Variants in PAPPA2 observed in about 807,000 individuals in gnomAD.
The protein encoded by PAPPA2 is pappalysin-2.
A neutral mutation model predicts 176.4 loss-of-function variants in PAPPA2; 86 were observed. That is an observed-to-expected ratio of 0.49 (90% CI 0.41 to 0.58). The LOEUF (loss-of-function observed/expected upper bound fraction) is 0.58. Among genes scored for constraint, PAPPA2 ranks in the 20% least tolerant of loss-of-function variants. The pLI is 0.00. For missense variants in PAPPA2, 2,073 were observed against 2,256.9 expected, an observed-to-expected ratio of 0.92 and a Z score of 1.65; for synonymous variants, 809 against 852.2, an observed-to-expected ratio of 0.95 and a Z score of 0.88.
chr1:176,651,263 T>C (rs1191713505), intron 3 of PAPPA2, among the ~76,000 whole-genome samples: 2 of 150,136 alleles, frequency 1.3e-5, no homozygotes, highest in African/African-American at 4.9e-5. Context: ...CATATTAGTG[T>C]TTTTTTTTCA....
intron 3 of PAPPA2, among the ~76,000 whole-genome samples, chr1:176,600,462 G>A (rs1029972148): frequency 3.6e-4 from 54 of 151,778 alleles, no homozygotes; most frequent in Non-Finnish European, 6.6e-4. Context: ...GGATCACGAG[G>A]TCAGGAGATC....
At chr1:176,646,301 A>G (rs1657395123) in intron 3 of PAPPA2, among the ~76,000 whole-genome samples, 1 of 151,222 alleles carries the variant, frequency 6.6e-6, no homozygotes, top group South Asian at 2.1e-4. Flanking sequence ...AGGTGTATAT[A>G]TTTATGAGGT....
chr1:176,692,062 C>T lies in PAPPA2; in HGVS notation c.2432-64C>T, dbSNP rs148508070. The T allele has an allele frequency of 3.7e-3, 5,401 of 1,469,686 alleles. 39 individuals are homozygous for T. Among genetic ancestry groups the T allele is most frequent in the Middle Eastern group, 0.019 (104 of 5,542 alleles). The allele number at this position is 1,469,686 out of a possible 1,614,324, so 91.0% of individuals were successfully genotyped here. ...CCATGAACAAGACACAAATTTATCC[C>T]TGCCTTGGTGGACTTGATGGGTTAA... On this transcript the variant is annotated intron_variant, in intron 5 of 22. Transcript: ENST00000367662.
intron 1 of PAPPA2, among the ~76,000 whole-genome samples, chr1:176,490,058 T>G (rs1652823556): frequency 6.6e-6 from 1 of 152,116 alleles, no homozygotes; most frequent in South Asian, 2.1e-4. Flanking sequence ...TTAGAACAGA[T>G]TAGAACAGGT....
In PAPPA2 at chr1:176,834,906, G is replaced by C. The variant is rs557256041; in HGVS notation, c.5203-5267G>C. 3.3e-3 allele frequency among the ~76,000 whole-genome samples: 500 copies of C among 152,276 alleles called. 3 individuals carry two copies. The highest frequency in any genetic ancestry group is 5.7e-3 in the Non-Finnish European group (385 of 68,024). On this transcript the variant is annotated intron_variant, in intron 21 of 22. Coordinates refer to ENST00000367662, the MANE Select transcript of PAPPA2 (RefSeq NM_020318.3). Reference sequence around the variant, plus strand: ...GAATCGCTTGAACCTAAGAGACGGAGGTTGCAGTGAGCTGAGATCATGCCA... The same window carrying C: ...GAATCGCTTGAACCTAAGAGACGGACGTTGCAGTGAGCTGAGATCATGCCA...
chr1:176,764,657 C>T (rs946476702), intron 14 of PAPPA2, among the ~76,000 whole-genome samples: 2 of 146,936 alleles, frequency 1.4e-5, no homozygotes, highest in Non-Finnish European at 3.0e-5. Flanking sequence ...AGTGCAGTGG[C>T]GAGATCTGGG....
chr1:176,813,189 C>T (rs981589808), intron 21 of PAPPA2, among the ~76,000 whole-genome samples: 5 of 152,048 alleles, frequency 3.3e-5, no homozygotes, highest in African/African-American at 1.2e-4. Context: ...TCTAGTCTAC[C>T]GTTGATAGGC....
chr1:176,678,378 A>G (rs1239229098), intron 4 of PAPPA2, among the ~76,000 whole-genome samples: 1 of 152,076 alleles, frequency 6.6e-6, no homozygotes, highest in African/African-American at 2.4e-5. Context: ...TCTCTGTACC[A>G]TACCAATTTG....
intron 3 of PAPPA2, among the ~76,000 whole-genome samples, chr1:176,653,980 A>AT (rs909040904): frequency 1.6e-4 from 24 of 151,444 alleles, no homozygotes; most frequent in African/African-American, 1.9e-4. Flanking sequence ...TCTTCTGCCT[A>AT]TTTTTTTAAA....
At chr1:176,774,021 A>T (rs1664345280) in intron 17 of PAPPA2, among the ~76,000 whole-genome samples, 2 of 152,168 alleles carry the variant, frequency 1.3e-5, no homozygotes, top group East Asian at 3.9e-4. Flanking sequence ...AATCTTAAAA[A>T]TGGAGTCAGG....
At chr1:176,473,741 G>T (rs897529034) in intron 1 of PAPPA2, among the ~76,000 whole-genome samples, 3 of 152,052 alleles carry the variant, frequency 2.0e-5, no homozygotes, top group Admixed American at 6.6e-5. Context: ...GGTATGTAGT[G>T]GTATCTCATT....
chr1:176,597,557 A>G lies in PAPPA2; in HGVS notation c.1991+1962A>G, dbSNP rs985899786. On this transcript the variant is annotated intron_variant, in intron 3 of 22. Coordinates refer to ENST00000367662, the MANE Select transcript of PAPPA2 (RefSeq NM_020318.3). ...CATGGGCTGGGGGGCTAGGGGAAGG[A>G]TAGCATTAGGAGAAACACCTAATGT... is the stretch of plus-strand genomic sequence containing the variant. Among the ~76,000 whole-genome samples, 4 of 152,266 alleles carry G rather than the reference A, an allele frequency of 2.6e-5. No individual in the cohort carries two copies. The East Asian group carries it at 7.7e-4, about 29-fold the overall frequency.
chr1:176,800,196 T>C, intron 21 of PAPPA2, 64 bp downstream of exon 21: 1 of 1,526,688 alleles, frequency 6.6e-7, no homozygotes. Flanking sequence ...CTTATGGAGC[T>C]TGAATCCTTC....
intron 20 of PAPPA2, among the ~76,000 whole-genome samples, chr1:176,798,431 G>C (rs1267332703): frequency 2.6e-5 from 4 of 152,158 alleles, no homozygotes; most frequent in Non-Finnish European, 5.9e-5. Flanking sequence ...TTAGGGTGGG[G>C]AACTGGGGGT....
At chr1:176,541,714 C>G (rs528938734) in intron 1 of PAPPA2, among the ~76,000 whole-genome samples, 1 of 152,286 alleles carries the variant, frequency 6.6e-6, no homozygotes, top group African/African-American at 2.4e-5. Flanking sequence ...TTTTTGTACT[C>G]TTTAAATATA....
chr1:176,772,904 A>G (rs527555294), intron 17 of PAPPA2, among the ~76,000 whole-genome samples: 1 of 152,180 alleles, frequency 6.6e-6, no homozygotes. Flanking sequence ...GCCACCTCAG[A>G]TATCTGCAGA....
chr1:176,533,593 A>G (rs1444199682), intron 1 of PAPPA2, among the ~76,000 whole-genome samples: 1 of 152,204 alleles, frequency 6.6e-6, no homozygotes, highest in Non-Finnish European at 1.5e-5. Context: ...CCTCCCTGCC[A>G]CTTCTACAGC....
chr1:176,783,562 A>T (rs1664807208), intron 17 of PAPPA2, among the ~76,000 whole-genome samples: 2 of 152,202 alleles, frequency 1.3e-5, no homozygotes, highest in African/African-American at 4.8e-5. Flanking sequence ...AAATTGGGAA[A>T]CGCACCTTCT....
chr1:176,798,110 AAATT>A (rs918942013), intron 20 of PAPPA2, among the ~76,000 whole-genome samples: 52 of 152,342 alleles, frequency 3.4e-4, no homozygotes, highest in African/African-American at 9.9e-4. Context: ...ATGTCAGTAT[AAATT>A]AATTAGTCTC....
Sources: gnomAD v4.1 joint callset for allele counts (sites outside exome capture counted in the v4.1 genomes callset) on GRCh38, gnomAD v4.1.1 for gene constraint, MANE v1.5 for transcripts, NCBI Gene and HGNC (gene_info 2026-07-23, HGNC 2026-07-21) for gene names.